The following CLSTN1 variants were observed in gnomAD, a reference collection of about 807,000 sequenced individuals.
CLSTN1 encodes calsyntenin 1.
Under a neutral mutation model 108.3 loss-of-function variants are expected in CLSTN1, and 28 were observed. The ratio of observed to expected loss-of-function variants is 0.26; its 90% CI spans 0.19 to 0.35. The LOEUF (loss-of-function observed/expected upper bound fraction) is 0.35. Among genes scored for constraint, CLSTN1 ranks in the 10% least tolerant of loss-of-function variants. The probability of loss-of-function intolerance (pLI) is 1.00; values close to 1 mark genes in which losing one functional copy is unlikely to be tolerated. For missense variants in CLSTN1, 1,157 were observed against 1,302.6 expected (o/e 0.89, Z 1.72); for synonymous variants, 524 against 534.9 (o/e 0.98, Z 0.28).
intron 2 of CLSTN1, among the ~76,000 whole-genome samples, chr1:9,772,186 C>T (rs921065911): frequency 5.1e-5 from 7 of 136,754 alleles, no homozygotes; most frequent in Non-Finnish European, 1.1e-4. Flanking sequence ...GGGGTTTCAC[C>T]GTGTTAGCCA....
chr1:9,821,638 C>G (rs1046555882), intron 1 of CLSTN1, among the ~76,000 whole-genome samples: 5 of 152,074 alleles, frequency 3.3e-5, no homozygotes, highest in Non-Finnish European at 5.9e-5. Flanking sequence ...GTAAAAAATT[C>G]AATTAGTTGA....
intron 1 of CLSTN1, among the ~76,000 whole-genome samples, chr1:9,795,116 G>A (rs1488335498): frequency 2.0e-5 from 3 of 149,728 alleles, no homozygotes; most frequent in African/African-American, 4.9e-5. Context: ...ACAATAGCAA[G>A]AGTAATGCTT....
chr1:9,769,904 C>A (rs1399115876), intron 2 of CLSTN1, among the ~76,000 whole-genome samples: 2 of 152,058 alleles, frequency 1.3e-5, no homozygotes, highest in African/African-American at 2.4e-5. Flanking sequence ...GTGGCGGACT[C>A]CTGTAGTCCC....
At chr1:9,819,724 G>A (rs1454926485) in intron 1 of CLSTN1, among the ~76,000 whole-genome samples, 5 of 152,028 alleles carry the variant, frequency 3.3e-5, no homozygotes, top group Non-Finnish European at 2.9e-5. Context: ...AAAATTGTTC[G>A]TATTTTATTA....
chr1:9,792,838 G>A (rs1653827420), intron 1 of CLSTN1, among the ~76,000 whole-genome samples: 1 of 151,298 alleles, frequency 6.6e-6, no homozygotes, highest in South Asian at 2.2e-4. Flanking sequence ...ACCCTCAGGA[G>A]CAGCTGTTCA....
At chr1:9,799,708 C>G (rs758135278) in intron 1 of CLSTN1, among the ~76,000 whole-genome samples, 1 of 149,516 alleles carries the variant, frequency 6.7e-6, no homozygotes, top group South Asian at 2.1e-4. Context: ...TTTGAGAGGC[C>G]GAGGCAGGCA....
At chr1:9,736,551 T>C (rs996099036) in intron 11 of CLSTN1, among the ~76,000 whole-genome samples, 1 of 152,146 alleles carries the variant, frequency 6.6e-6, no homozygotes, top group Non-Finnish European at 1.5e-5. Context: ...TGGTGTTAAG[T>C]CCCATCCTTC....
Position 9,756,509 on chromosome 1 carries a change from C to A in CLSTN1, c.216G>T (p.Glu72Asp), listed in dbSNP as rs1330029550. ...CTTTGGTGACTGTCACCTCAAAACT[C>A]TCTAAAGGGAGAAAAGATAAGCCCA... ...LDKDAPLRFA[E>D]SFEVTVTKEG... The change falls in exon 3 of 19, where the codon GAG becomes GAT. Residue 72 changes from glutamate to aspartate, a missense_variant and splice_region_variant. Transcript: ENST00000377298. 6.2e-7 allele frequency: 1 copy of A among 1,612,494 alleles called. No individual in the cohort carries two copies. The highest frequency in any genetic ancestry group is 1.7e-5 in the Admixed American group (1 of 59,968).
At chr1:9,778,462 C>A (rs1314110575) in intron 1 of CLSTN1, among the ~76,000 whole-genome samples, 1 of 151,972 alleles carries the variant, frequency 6.6e-6, no homozygotes, top group Non-Finnish European at 1.5e-5. Flanking sequence ...AAAGATACTG[C>A]GAAGGTGTTT....
In CLSTN1 at chr1:9,731,373, T is replaced by C; in HGVS notation, c.2581A>G (p.Thr861Ala). 1 of 1,614,168 alleles carries C rather than the reference T, an allele frequency of 6.2e-7. No individual in the cohort carries two copies. The highest frequency in any genetic ancestry group is 1.1e-5 in the South Asian group (1 of 91,092). ...HPFAVVPSTA[T>A]VVIVVCVSFL... is the part of the protein sequence containing the mutation. ...CTGACGCACACCACGATCACAACTG[T>C]CGCAGTGCTGGGGACGACTGTGGGA... The change falls in exon 18 of 19, where the codon ACA (threonine) becomes GCA (alanine). Residue 861 changes from threonine to alanine, a missense_variant. Physicochemically the swap from Thr to Ala is moderately conservative, Grantham distance 58 (BLOSUM62 0). Coordinates refer to ENST00000377298, the MANE Select transcript of CLSTN1 (RefSeq NM_001009566.3).
At chr1:9,805,740 G>A (rs971953871) in intron 1 of CLSTN1, among the ~76,000 whole-genome samples, 11 of 151,346 alleles carry the variant, frequency 7.3e-5, no homozygotes, top group African/African-American at 1.9e-4. Context: ...GGTGGTGCGC[G>A]CCTATAGTCC....
Position 9,729,128 on chromosome 1 carries a change from C to T in CLSTN1, c.*1380G>A, listed in dbSNP as rs1304548214. ...CGCGCGGCGACAGCGTGAGGACATC[C>T]CCTGGGCGTGAGCGTCTGTCCGCTG... On this transcript the variant is annotated 3_prime_UTR_variant, in exon 19 of 19. Transcript: ENST00000377298. The T allele has an allele frequency of 1.3e-5, 2 of 152,172 alleles. No individual in the cohort carries two copies. 9.4% of individuals were successfully genotyped at this position (152,172 alleles called of 1,614,324 possible). A position where few individuals can be genotyped will look rare whatever the true frequency, so the allele number is the denominator to read the frequency against.
chr1:9,774,918 C>G (rs75685304), intron 1 of CLSTN1, among the ~76,000 whole-genome samples: 3 of 152,106 alleles, frequency 2.0e-5, no homozygotes, highest in Non-Finnish European at 4.4e-5. Context: ...GGGAAATTCC[C>G]GGAAACTGAG....
At chr1:9,786,303 C>A (rs1254807747) in intron 1 of CLSTN1, among the ~76,000 whole-genome samples, 1 of 152,132 alleles carries the variant, frequency 6.6e-6, no homozygotes, top group African/African-American at 2.4e-5. Flanking sequence ...TTTCCCAGGA[C>A]AAGCATCATA....
chr1:9,750,105 G>C, intron 5 of CLSTN1, 192 bp from the exon 6 acceptor site: 1 of 553,870 alleles, frequency 1.8e-6, no homozygotes. Flanking sequence ...CCATCCTGAA[G>C]AGTTTCAACA....
chr1:9,760,857 G>C (rs774852068), intron 2 of CLSTN1, among the ~76,000 whole-genome samples: 23 of 151,510 alleles, frequency 1.5e-4, no homozygotes, highest in Admixed American at 2.0e-4. Flanking sequence ...TGCATGCTAC[G>C]GCACCATCAC....
chr1:9,804,213 A>C (rs1442935981), intron 1 of CLSTN1, among the ~76,000 whole-genome samples: 1 of 151,960 alleles, frequency 6.6e-6, no homozygotes, highest in Non-Finnish European at 1.5e-5. Context: ...ATACAAAAAA[A>C]TTAGCCGGGC....
intron 1 of CLSTN1, among the ~76,000 whole-genome samples, chr1:9,822,120 A>C (rs2101363870): frequency 6.6e-6 from 1 of 152,350 alleles, no homozygotes; most frequent in South Asian, 2.1e-4. Context: ...CATATTTTTA[A>C]AATGTGTGGG....
intron 2 of CLSTN1, among the ~76,000 whole-genome samples, chr1:9,769,130 T>G (rs1199174455): frequency 1.6e-4 from 14 of 85,406 alleles, no homozygotes; most frequent in East Asian, 3.5e-4. Flanking sequence ...AGGAAGGAAA[T>G]GAGAGGGAGA....
Sources: allele counts gnomAD v4.1 joint callset (sites outside exome capture counted in the v4.1 genomes callset), GRCh38; gene constraint gnomAD v4.1.1; transcripts MANE v1.5; gene names NCBI Gene and HGNC (gene_info 2026-07-23, HGNC 2026-07-21).